The following CDH13 variants were observed in gnomAD, a reference collection of about 807,000 sequenced individuals.
The protein encoded by CDH13 is cadherin 13.
A neutral mutation model predicts 63.8 loss-of-function variants in CDH13; 24 were observed. That is an observed-to-expected ratio of 0.38 (90% CI 0.27 to 0.53). The LOEUF (loss-of-function observed/expected upper bound fraction) is 0.53. Ranked by LOEUF, CDH13 falls within the 20% of genes least tolerant of loss-of-function variation. The pLI is 0.85. For missense variants in CDH13, 1,049 were observed against 903.1 expected, an observed-to-expected ratio of 1.16 and a Z score of -2.07; for synonymous variants, 503 against 355.3, an observed-to-expected ratio of 1.42 and a Z score of -4.67.
At chr16:83,471,270 C>T (rs1214233139) in intron 6 of CDH13, among the ~76,000 whole-genome samples, 2 of 124,074 alleles carry the variant, frequency 1.6e-5, no homozygotes, top group Non-Finnish European at 3.2e-5. Context: ...ATTTTTCTAA[C>T]CACCCTTTTT....
chr16:82,972,710 C>A (rs1321853499), intron 2 of CDH13, among the ~76,000 whole-genome samples: 2 of 152,192 alleles, frequency 1.3e-5, no homozygotes, highest in Non-Finnish European at 2.9e-5. Context: ...TGGCACCATT[C>A]CATGAATCCA....
intron 3 of CDH13, among the ~76,000 whole-genome samples, chr16:83,070,087 A>G (rs183639022): frequency 1.1e-4 from 16 of 152,320 alleles, no homozygotes; most frequent in African/African-American, 3.1e-4. Flanking sequence ...CACCTAAAAT[A>G]TCACACTAGC....
chr16:82,827,219 C>A (rs571393235), intron 1 of CDH13, among the ~76,000 whole-genome samples: 1 of 152,120 alleles, frequency 6.6e-6, no homozygotes, highest in African/African-American at 2.4e-5. Context: ...TGTAATTTCC[C>A]AGACAGAGAG....
intron 1 of CDH13, among the ~76,000 whole-genome samples, chr16:82,699,017 G>A (rs931876897): frequency 3.3e-5 from 5 of 151,978 alleles, no homozygotes; most frequent in Admixed American, 6.6e-5. Flanking sequence ...CATTTGGCCC[G>A]TGAGCCGTAG....
At chr16:83,748,737 C>T (rs67301315) in intron 11 of CDH13, among the ~76,000 whole-genome samples, 27,450 of 152,170 alleles carry the variant, frequency 0.18, 2,545 homozygotes, top group Non-Finnish European at 0.21. Flanking sequence ...AATTGCTGTT[C>T]GTTCAAAAGA....
At chr16:83,157,846 G>C (rs534704647) in intron 4 of CDH13, among the ~76,000 whole-genome samples, 1 of 151,744 alleles carries the variant, frequency 6.6e-6, no homozygotes, top group East Asian at 1.9e-4. Flanking sequence ...CTGGGAGGCA[G>C]AGGTTGCAGT....
At chr16:83,695,010 C>T (rs967946389) in intron 10 of CDH13, among the ~76,000 whole-genome samples, 8 of 152,188 alleles carry the variant, frequency 5.3e-5, no homozygotes, top group African/African-American at 1.9e-4. Flanking sequence ...AGTTCGAGAC[C>T]AGCCCGGCCA....
At chr16:83,195,636 G>A (rs114847403) in intron 4 of CDH13, among the ~76,000 whole-genome samples, 1,878 of 152,132 alleles carry the variant, frequency 0.012, 29 homozygotes, top group African/African-American at 0.042. Context: ...CTCCCACCAA[G>A]CCCCCTCCTC....
chr16:83,005,790 T>C (rs1913430702), intron 2 of CDH13, among the ~76,000 whole-genome samples: 1 of 152,232 alleles, frequency 6.6e-6, no homozygotes, highest in Non-Finnish European at 1.5e-5. Context: ...AAAATGTTTA[T>C]GGTGAGCTCA....
intron 10 of CDH13, among the ~76,000 whole-genome samples, chr16:83,688,173 C>A (rs181648100): frequency 9.5e-4 from 144 of 152,278 alleles, no homozygotes; most frequent in Middle Eastern, 6.8e-3. Context: ...TATTGGAGCT[C>A]ATTCAAAGGA....
intron 2 of CDH13, among the ~76,000 whole-genome samples, chr16:82,860,823 G>C (rs920658732): frequency 6.6e-6 from 1 of 152,174 alleles, no homozygotes; most frequent in Non-Finnish European, 1.5e-5. Flanking sequence ...ATTTCTAGAA[G>C]TAGTAGCAGT....
intron 8 of CDH13, among the ~76,000 whole-genome samples, chr16:83,646,712 A>AAAAAAAAAAAACAC (rs1168012793): frequency 3.7e-5 from 3 of 80,516 alleles, no homozygotes; most frequent in East Asian, 4.6e-4. Flanking sequence ...AAAAAAAAAA[A>AAAAAAAAAAAACAC]ACACACACAC....
intron 6 of CDH13, among the ~76,000 whole-genome samples, chr16:83,462,898 G>A (rs899467579): frequency 8.6e-5 from 13 of 152,042 alleles, no homozygotes; most frequent in Non-Finnish European, 1.8e-4. Flanking sequence ...TAGGTACCTG[G>A]TGGCCTCTGA....
chr16:83,083,522 A>T (rs1315750976), intron 3 of CDH13, among the ~76,000 whole-genome samples: 1 of 152,230 alleles, frequency 6.6e-6, no homozygotes. Flanking sequence ...CATGCCCAGT[A>T]TCACAGAGCT....
intron 5 of CDH13, among the ~76,000 whole-genome samples, chr16:83,344,267 A>G (rs2090789348): frequency 6.6e-6 from 1 of 152,220 alleles, no homozygotes; most frequent in Non-Finnish European, 1.5e-5. Flanking sequence ...TTGAGATCTG[A>G]AAGTAGTTCC....
At chr16:82,927,076 G>A (rs1422682469) in intron 2 of CDH13, among the ~76,000 whole-genome samples, 7 of 152,084 alleles carry the variant, frequency 4.6e-5, no homozygotes, top group Admixed American at 2.6e-4. Context: ...AATGTGCTTG[G>A]TGGTTGATTC....
At chr16:83,625,136 T>C (rs993055120) in intron 8 of CDH13, among the ~76,000 whole-genome samples, 1 of 145,750 alleles carries the variant, frequency 6.9e-6, no homozygotes, top group African/African-American at 2.5e-5. Context: ...TTATGGTGTT[T>C]GCCCACCTAA....
chr16:83,125,622 A>G (rs151001954), intron 4 of CDH13, 121 bp downstream of exon 4: 5 of 575,798 alleles, frequency 8.7e-6, no homozygotes, highest in Non-Finnish European at 1.6e-5. Context: ...ATGATAAGAG[A>G]CCAAATGGTT....
chr16:83,521,773 T>A lies in CDH13; in HGVS notation c.960+35118T>A, dbSNP rs1158763937. On this transcript the variant is annotated intron_variant, in intron 7 of 13. Transcript: ENST00000567109. The stretch of plus-strand genomic sequence containing the variant: ...CATGGAACCAGCCCTGGCTTCAGAG[T>A]TAGAGGGGCCTGGCTAGTGCTGGTT... Among the ~76,000 whole-genome samples, 3 of 152,110 alleles carry A rather than the reference T, an allele frequency of 2.0e-5. No individual in the cohort carries two copies. The East Asian group carries it at 5.8e-4, about 29-fold the overall frequency.
Sources: allele counts gnomAD v4.1 joint callset (sites outside exome capture counted in the v4.1 genomes callset), GRCh38; gene constraint gnomAD v4.1.1; transcripts MANE v1.5; gene names NCBI Gene and HGNC (gene_info 2026-07-23, HGNC 2026-07-21).